The following DMXL1 variants were observed in gnomAD, a reference collection of about 807,000 sequenced individuals.
DMXL1 encodes the protein Dmx like 1, also known as dmX-like protein 1.
Under a neutral mutation model 319.2 loss-of-function variants are expected in DMXL1, and 99 were observed. The ratio of observed to expected loss-of-function variants is 0.31; its 90% CI spans 0.26 to 0.37. DMXL1 has a LOEUF of 0.37. DMXL1 is among the 10% of genes least tolerant of loss of function. The pLI, the probability that DMXL1 is intolerant of heterozygous loss-of-function variation, is 1.00. For missense variants in DMXL1, 3,745 were observed against 3,595.6 expected, an observed-to-expected ratio of 1.04 and a Z score of -1.06; for synonymous variants, 1,385 against 1,235.2, an observed-to-expected ratio of 1.12 and a Z score of -2.54.
At position 119,221,783 on chromosome 5, in the gene DMXL1, CT is replaced by C. The variant is rs34394187; in HGVS notation, c.8277+715del. On this transcript the variant is annotated intron_variant, in intron 37 of 43. Coordinates refer to ENST00000539542, the MANE Select transcript of DMXL1 (RefSeq NM_001290321.3). ...TTTTTTAAATGCCAGGACAAATATT[CT>C]TTTTTTTTTTTTAACAAAAACAATA... Among the ~76,000 whole-genome samples the C allele has an allele frequency of 3.4e-3, 489 of 145,942 alleles. 2 individuals carry two copies. Among genetic ancestry groups the C allele is most frequent in the African/African-American group, 7.6e-3 (301 of 39,578 alleles).
rs1361194191 is a variant in DMXL1 at position 119,198,687 on chromosome 5, C to CA, written c.7745+736dup. 5.3e-5 allele frequency among the ~76,000 whole-genome samples: 8 copies of CA among 151,996 alleles called. No homozygotes were observed. The South Asian group carries it at 6.3e-4, about 12-fold the overall frequency. On this transcript the variant is annotated intron_variant, in intron 32 of 43. Coordinates refer to ENST00000539542, the MANE Select transcript of DMXL1 (RefSeq NM_001290321.3). ...CTGGAATAGCCAAAGCAATCCTCAG[C>CA]AAAAAGAACAAGGCATCACATTACC...
chr5:119,229,041 G>A (rs1240288446), intron 38 of DMXL1, among the ~76,000 whole-genome samples: 2 of 150,526 alleles, frequency 1.3e-5, no homozygotes, highest in South Asian at 4.2e-4. Context: ...TCGGCTGGGC[G>A]CGGTGACTCA....
chr5:119,091,025 G>A (rs1230907222), intron 1 of DMXL1, among the ~76,000 whole-genome samples: 1 of 151,934 alleles, frequency 6.6e-6, no homozygotes, highest in African/African-American at 2.4e-5. Context: ...ATTTCAATCT[G>A]TTTATTAACT....
chr5:119,227,478 G>A (rs1368916402), intron 38 of DMXL1, among the ~76,000 whole-genome samples: 1 of 152,096 alleles, frequency 6.6e-6, no homozygotes, highest in African/African-American at 2.4e-5. Context: ...TATAGATTTG[G>A]GTTGATTGCT....
chr5:119,072,441 G>A (rs1034254125), intron 1 of DMXL1, among the ~76,000 whole-genome samples: 3 of 151,918 alleles, frequency 2.0e-5, no homozygotes, highest in African/African-American at 7.3e-5. Context: ...TAATGCTAAT[G>A]ATTTTTGCTA....
At chr5:119,109,485 C>T (rs193097825) in intron 4 of DMXL1, among the ~76,000 whole-genome samples, 19 of 152,306 alleles carry the variant, frequency 1.2e-4, no homozygotes, top group South Asian at 8.3e-4. Flanking sequence ...AAAGTCCAAA[C>T]GCTGTGAACT....
In DMXL1 at chr5:119,150,325, G is replaced by C; in HGVS notation, c.4498G>C (p.Gly1500Arg). The change falls in exon 18 of 44, where the codon GGA becomes CGA. Residue 1500 changes from glycine to arginine, a missense_variant. Physicochemically the swap from Gly to Arg is moderately radical, Grantham distance 125 (BLOSUM62 -2). Transcript: ENST00000539542. The part of the protein sequence containing the change: ...SGHLLHSSLP[G>R]LSRMEQMSLM... ...CCACTTACTTCATTCTAGTTTACCA[G>C]GACTCAGCCGGATGGAGCAGATGTC... 1 of 1,613,838 alleles carries C rather than the reference G, an allele frequency of 6.2e-7. No individual in the cohort carries two copies. The highest frequency in any genetic ancestry group is 2.2e-5 in the East Asian group (1 of 44,852).
chr5:119,130,377 C>G (rs1261032335), intron 10 of DMXL1, among the ~76,000 whole-genome samples: 2 of 151,562 alleles, frequency 1.3e-5, no homozygotes, highest in Non-Finnish European at 2.9e-5. Flanking sequence ...GGGTCTTGCT[C>G]TGTCACCCAG....
Position 119,171,063 on chromosome 5 carries a change from A to G in DMXL1, c.6272A>G (p.Glu2091Gly), listed in dbSNP as rs1774447181. ...CTACAGTCTGCATTTGGCAGAAATG[A>G]AGATGAATTTGGATTAAATGAGGAT... ...EELQSAFGRNEDEFGLNEDAE... is the reference protein window; with the variant it reads ...EELQSAFGRNGDEFGLNEDAE... Residue 2091 changes from glutamate (E) to glycine (G), a missense_variant, in exon 24 of 44, where the codon GAA (glutamate) becomes GGA (glycine). Coordinates refer to ENST00000539542, the MANE Select transcript of DMXL1 (RefSeq NM_001290321.3). 4.3e-6 allele frequency: 7 copies of G among 1,613,922 alleles called. No homozygotes were observed. In the East Asian group the frequency reaches 1.6e-4, roughly 36 times the overall value.
chr5:119,241,132 A>G (rs1278342289), intron 42 of DMXL1, among the ~76,000 whole-genome samples: 1 of 152,194 alleles, frequency 6.6e-6, no homozygotes, highest in Non-Finnish European at 1.5e-5. Flanking sequence ...TATGTGTTTT[A>G]TAGGAAGCTA....
intron 13 of DMXL1, 143 bp from the exon 14 acceptor site, chr5:119,143,698 T>G: frequency 2.1e-6 from 1 of 467,982 alleles, no homozygotes. Flanking sequence ...ACTAAAGACC[T>G]AGAATTTTTA....
intron 5 of DMXL1, among the ~76,000 whole-genome samples, chr5:119,111,540 C>G (rs1260468265): frequency 1.3e-5 from 2 of 151,974 alleles, no homozygotes; most frequent in African/African-American, 4.8e-5. Flanking sequence ...TGCTGTTCGA[C>G]AAGAAATGCT....
chr5:119,242,677 G>T (rs750874831), intron 42 of DMXL1, among the ~76,000 whole-genome samples: 3 of 152,050 alleles, frequency 2.0e-5, no homozygotes, highest in Non-Finnish European at 4.4e-5. Context: ...CACACTTGTG[G>T]GACTCACATT....
rs529565740 is a variant in DMXL1 at position 119,080,549 on chromosome 5, A to G, written c.87+8893A>G. 5.9e-5 allele frequency among the ~76,000 whole-genome samples: 9 copies of G among 152,208 alleles called. No individual in the cohort carries two copies. The South Asian group carries it at 1.2e-3, about 21-fold the overall frequency. Reference sequence around the variant, plus strand: ...CCTAATCCTCCCACATTTTTCTTATACAATCAATCAAGCCCTGTAGATTCT... The same window carrying G: ...CCTAATCCTCCCACATTTTTCTTATGCAATCAATCAAGCCCTGTAGATTCT... On this transcript the variant is annotated intron_variant, in intron 1 of 43. Transcript: ENST00000539542.
At chr5:119,216,385 A>G (rs746317810) in intron 34 of DMXL1, among the ~76,000 whole-genome samples, 10 of 152,180 alleles carry the variant, frequency 6.6e-5, no homozygotes, top group Non-Finnish European at 1.2e-4. Flanking sequence ...AGGTTTCTCT[A>G]TAAATCAAAG....
In DMXL1 at chr5:119,133,358, C is replaced by G. The variant is rs767920133; in HGVS notation, c.1542C>G (p.Tyr514Ter). 6.2e-7 allele frequency: 1 copy of G among 1,613,052 alleles called. No individual in the cohort carries two copies. Among genetic ancestry groups the G allele is most frequent in the Non-Finnish European group, 8.5e-7 (1 of 1,179,172 alleles). The change falls in exon 11 of 44, where the codon TAC (tyrosine) becomes TAG (stop). Residue 514 changes from tyrosine to a stop codon, truncating the protein, a stop_gained. Transcript: ENST00000539542. LOFTEE classifies it high-confidence loss of function. ...LVWHVDWLDE[Y>*]QPGMFRQVQV... ...GGCATGTGGATTGGCTGGATGAATA[C>G]CAGCCTGGTATGTTTCGTCAAGTAC...
chr5:119,217,252 T>A (rs1380040125), intron 35 of DMXL1, among the ~76,000 whole-genome samples: 1 of 152,192 alleles, frequency 6.6e-6, no homozygotes. Flanking sequence ...GCTTTAGAAT[T>A]TATACAATGT....
At chr5:119,116,117 C>T in intron 6 of DMXL1, 41 bp from the exon 7 acceptor site, 2 of 1,544,734 alleles carry the variant, frequency 1.3e-6, no homozygotes, top group South Asian at 2.5e-5. Flanking sequence ...ATCTTTAATT[C>T]TGATCTCCAT....
intron 1 of DMXL1, among the ~76,000 whole-genome samples, chr5:119,084,859 C>T (rs535154247): frequency 8.4e-4 from 119 of 142,436 alleles, no homozygotes; most frequent in African/African-American, 3.0e-3. Flanking sequence ...AGTGAAACTC[C>T]GTCTCAAAAA....
Sources: allele counts gnomAD v4.1 joint callset (sites outside exome capture counted in the v4.1 genomes callset), GRCh38; gene constraint gnomAD v4.1.1; transcripts MANE v1.5; gene names NCBI Gene and HGNC (gene_info 2026-07-23, HGNC 2026-07-21).